The following FILIP1 variants were observed in gnomAD, a reference collection of about 807,000 sequenced individuals.
FILIP1 encodes filamin A interacting protein 1, also known as filamin-A-interacting protein 1.
A neutral mutation model predicts 102.1 loss-of-function variants in FILIP1; 61 were observed. The ratio of observed to expected loss-of-function variants is 0.60; its 90% CI spans 0.49 to 0.74. The LOEUF is 0.74. Among genes scored for constraint, FILIP1 ranks in the 30% least tolerant of loss-of-function variants. The probability of loss-of-function intolerance (pLI) is 0.00; values close to 1 mark genes in which losing one functional copy is unlikely to be tolerated. For missense variants in FILIP1, 1,314 were observed against 1,441.2 expected, an observed-to-expected ratio of 0.91 and a Z score of 1.43; for synonymous variants, 491 against 526.9, an observed-to-expected ratio of 0.93 and a Z score of 0.93.
At chr6:75,465,794 A>T (rs1197081994) in intron 1 of FILIP1, among the ~76,000 whole-genome samples, 1 of 152,150 alleles carries the variant, frequency 6.6e-6, no homozygotes, top group Non-Finnish European at 1.5e-5. Flanking sequence ...AAAACCCAAA[A>T]ACTTAAATCA....
At chr6:75,435,989 T>C (rs1778006606) in intron 1 of FILIP1, among the ~76,000 whole-genome samples, 1 of 152,164 alleles carries the variant, frequency 6.6e-6, no homozygotes, top group Non-Finnish European at 1.5e-5. Context: ...GATTTTCTTG[T>C]TAATTTTCTC....
intron 1 of FILIP1, among the ~76,000 whole-genome samples, chr6:75,477,523 A>G (rs1779514208): frequency 6.6e-6 from 1 of 152,088 alleles, no homozygotes; most frequent in Admixed American, 6.5e-5. Flanking sequence ...ATTATACTCC[A>G]TAAATGTATA....
intron 2 of FILIP1, among the ~76,000 whole-genome samples, chr6:75,372,775 AAAGAAAG>A: frequency 1.2e-5 from 1 of 86,856 alleles, no homozygotes; most frequent in Non-Finnish European, 2.5e-5. Context: ...AGAAAGAAAG[AAAGAAAG>A]AAAGAAAGAA....
intron 1 of FILIP1, among the ~76,000 whole-genome samples, chr6:75,490,637 T>TTGTGTGTG (rs59493141): frequency 6.6e-4 from 97 of 147,906 alleles, no homozygotes; most frequent in African/African-American, 2.1e-3. Flanking sequence ...TACACAGGAT[T>TTGTGTGTG]TGTGTGTGTG....
In FILIP1 at chr6:75,308,184, C is replaced by T; in HGVS notation, c.*507G>A. On this transcript the variant is annotated 3_prime_UTR_variant, in exon 6 of 6. Coordinates refer to ENST00000237172, the MANE Select transcript of FILIP1 (RefSeq NM_015687.5). The stretch of plus-strand genomic sequence containing the variant: ...TTTGCAAAATTTTAGAGGTCCAGGC[C>T]CTGTGATAGCTATGTGATGTTTTTT... 1 of 987,302 alleles carries T rather than the reference C, an allele frequency of 1.0e-6. No individual in the cohort carries two copies. Among genetic ancestry groups the T allele is most frequent in the Non-Finnish European group, 1.2e-6 (1 of 831,066 alleles). The allele number at this position is 987,302 out of a possible 1,614,324, so 61.2% of individuals were successfully genotyped here. A position where few individuals can be genotyped will look rare whatever the true frequency, so the allele number is the denominator to read the frequency against.
downstream of FILIP1, among the ~76,000 whole-genome samples, chr6:75,304,135 G>C (rs915299070): frequency 6.6e-6 from 1 of 152,084 alleles, no homozygotes; most frequent in African/African-American, 2.4e-5. Context: ...CTTTTGAAGG[G>C]GGAAATGTGG....
chr6:75,393,394 C>T (rs561410564), intron 2 of FILIP1, among the ~76,000 whole-genome samples: 2 of 152,188 alleles, frequency 1.3e-5, no homozygotes, highest in South Asian at 2.1e-4. Flanking sequence ...CTAAAATTCG[C>T]TCTTATTTTT....
chr6:75,414,057 A>T (rs1402369184), intron 2 of FILIP1, among the ~76,000 whole-genome samples: 1 of 149,652 alleles, frequency 6.7e-6, no homozygotes, highest in African/African-American at 2.5e-5. Flanking sequence ...TAAAATACAG[A>T]TGATACCCAC....
At chr6:75,309,329 T>A (rs1773102407) in intron 5 of FILIP1, among the ~76,000 whole-genome samples, 1 of 152,154 alleles carries the variant, frequency 6.6e-6, no homozygotes, top group South Asian at 2.1e-4. Context: ...CTTCGCATGT[T>A]ATTGTCGCTG....
At chr6:75,410,619 A>G (rs1174108514) in intron 2 of FILIP1, among the ~76,000 whole-genome samples, 1 of 151,602 alleles carries the variant, frequency 6.6e-6, no homozygotes, top group Non-Finnish European at 1.5e-5. Context: ...TCATTGTTCA[A>G]CTCTCACTTA....
chr6:75,315,719 C>T (rs1052367041), intron 4 of FILIP1, among the ~76,000 whole-genome samples: 3 of 152,222 alleles, frequency 2.0e-5, no homozygotes, highest in Non-Finnish European at 4.4e-5. Context: ...TAGCCTGCTA[C>T]AGATCCCAGA....
intron 2 of FILIP1, among the ~76,000 whole-genome samples, chr6:75,363,775 C>G (rs564598957): frequency 6.6e-6 from 1 of 152,298 alleles, no homozygotes; most frequent in East Asian, 1.9e-4. Flanking sequence ...TGGGGACACA[C>G]TTGGAGCTAT....
chr6:75,392,758 A>C (rs1234851061), intron 2 of FILIP1, among the ~76,000 whole-genome samples: 1 of 152,136 alleles, frequency 6.6e-6, no homozygotes. Flanking sequence ...AGATGGTTGA[A>C]TCATGGGGGC....
In FILIP1 at chr6:75,313,956, C is replaced by A; in HGVS notation, c.1876G>T (p.Asp626Tyr). 6.2e-7 allele frequency: 1 copy of A among 1,608,086 alleles called. No homozygotes were observed. The highest frequency in any genetic ancestry group is 8.5e-7 in the Non-Finnish European group (1 of 1,177,746). The change falls in exon 5 of 6, where the codon GAT (aspartate) becomes TAT (tyrosine). Residue 626 changes from aspartate (D) to tyrosine (Y), a missense_variant. Transcript: ENST00000237172. The surrounding 1 kb of genome is among the most constrained non-coding windows in gnomAD (Gnocchi z 4.2). ...AGTGTTAGTTCCTTAATCTTATTAT[C>A]TTCCGGGCAGGTGAGCTCAGACCCT... ...RKGSELTCPE[D>Y]NKIKELTLEI...
chr6:75,383,722 CAT>C (rs943752636), intron 2 of FILIP1, among the ~76,000 whole-genome samples: 9 of 152,244 alleles, frequency 5.9e-5, no homozygotes, highest in Non-Finnish European at 1.0e-4. Context: ...GCTTTTTAAA[CAT>C]TATCTCATTT....
At chr6:75,438,058 A>G (rs1186649217) in intron 1 of FILIP1, among the ~76,000 whole-genome samples, 1 of 152,200 alleles carries the variant, frequency 6.6e-6, no homozygotes. Context: ...GTTACATTCC[A>G]TTATGTGGCA....
Position 75,308,863 on chromosome 6 carries a change from G to C in FILIP1, c.3470C>G (p.Pro1157Arg), listed in dbSNP as rs888526210. The C allele has an allele frequency of 6.2e-7, 1 of 1,614,080 alleles. No individual in the cohort carries two copies. The highest frequency in any genetic ancestry group is 8.5e-7 in the Non-Finnish European group (1 of 1,180,014). ...ACCTTTTGACATAGGAATGCGGGTG[G>C]GTGTAGGCCGCTGGGATGACCCGTC... ...GQDGSSQRPT[P>R]TRIPMSKGMK... Residue 1157 changes from proline to arginine, a missense_variant, in exon 6 of 6, where the codon CCC becomes CGC. Physicochemically the swap from Pro to Arg is moderately radical, Grantham distance 103. Transcript: ENST00000237172.
At chr6:75,492,372 C>T (rs1466320872) in intron 1 of FILIP1, among the ~76,000 whole-genome samples, 1 of 152,010 alleles carries the variant, frequency 6.6e-6, no homozygotes, top group Non-Finnish European at 1.5e-5. Flanking sequence ...TTTAAAAATT[C>T]CAATTAAAAT....
At chr6:75,453,868 T>C in intron 1 of FILIP1, 1 of 438,812 alleles carries the variant, frequency 2.3e-6, no homozygotes, top group Non-Finnish European at 4.6e-6. Flanking sequence ...CTTGGGGCCA[T>C]GTCATGTGAT....
Sources: gnomAD v4.1 joint callset for allele counts (sites outside exome capture counted in the v4.1 genomes callset) on GRCh38, gnomAD v4.1.1 for gene constraint, Gnocchi (gnomAD v3.1) non-coding constraint, MANE v1.5 for transcripts, NCBI Gene and HGNC (gene_info 2026-07-23, HGNC 2026-07-21) for gene names.